The following NFIB variants were observed in gnomAD, a reference collection of about 807,000 sequenced individuals.
NFIB encodes nuclear factor 1 B-type.
Under a neutral mutation model 61.5 loss-of-function variants are expected in NFIB, and 11 were observed. That is an observed-to-expected ratio of 0.18 (90% CI 0.11 to 0.30). The LOEUF is 0.30. Among genes scored for constraint, NFIB ranks in the 10% least tolerant of loss-of-function variants. The pLI is 1.00. For synonymous variants in NFIB, 260 were observed against 216.5 expected, an observed-to-expected ratio of 1.20 and a Z score of -1.76; for missense variants, 471 against 608.9, an observed-to-expected ratio of 0.77 and a Z score of 2.38.
chr9:14,230,580 A>C (rs937727438), intron 2 of NFIB, among the ~76,000 whole-genome samples: 32 of 152,346 alleles, frequency 2.1e-4, no homozygotes, highest in African/African-American at 7.2e-4. Flanking sequence ...CATAGTACGC[A>C]CTTAACTAAA....
chr9:14,521,420 C>A, the NFIB span, among the ~76,000 whole-genome samples: 57 of 152,202 alleles, frequency 3.7e-4, no homozygotes, highest in African/African-American at 1.3e-3. Flanking sequence ...GACTTTTAAT[C>A]CTGGCACTGC....
At chr9:14,363,662 A>C (rs2022304) in intron 1 of NFIB, among the ~76,000 whole-genome samples, 1 of 150,578 alleles carries the variant, frequency 6.6e-6, no homozygotes, top group African/African-American at 2.5e-5. Flanking sequence ...TACACACATA[A>C]ACATCTTTAA....
chr9:14,391,492 A>G (rs2061621821), intron 1 of NFIB, among the ~76,000 whole-genome samples: 1 of 152,124 alleles, frequency 6.6e-6, no homozygotes, highest in African/African-American at 2.4e-5. Context: ...GAAGCTGGTA[A>G]TCAGCAGCTT....
chr9:14,487,016 G>T, the NFIB span, among the ~76,000 whole-genome samples: 3 of 152,070 alleles, frequency 2.0e-5, no homozygotes, highest in East Asian at 1.9e-4. Flanking sequence ...TTATCCAAAT[G>T]CTTTTTTCTT....
chr9:14,118,894 A>T (rs2038550240), intron 8 of NFIB, among the ~76,000 whole-genome samples: 1 of 151,740 alleles, frequency 6.6e-6, no homozygotes, highest in Non-Finnish European at 1.5e-5. Context: ...CTTAACTTAT[A>T]AAGAAATTGA....
chr9:14,319,968 A>G (rs2060625991), intron 1 of NFIB, among the ~76,000 whole-genome samples: 1 of 152,240 alleles, frequency 6.6e-6, no homozygotes, highest in African/African-American at 2.4e-5. Context: ...CTCTGAGTGT[A>G]TCTGAAATTT....
the NFIB span, among the ~76,000 whole-genome samples, chr9:14,405,912 C>G: frequency 6.6e-6 from 1 of 152,130 alleles, no homozygotes; most frequent in Non-Finnish European, 1.5e-5. Context: ...GATATGCTTT[C>G]TAGCACATGA....
At chr9:14,519,234 C>T in the NFIB span, among the ~76,000 whole-genome samples, 1 of 152,024 alleles carries the variant, frequency 6.6e-6, no homozygotes, top group African/African-American at 2.4e-5. Flanking sequence ...CTGATGGTAT[C>T]GGTGCTTGTA....
At chr9:14,150,957 CAT>C (rs1293725319) in intron 4 of NFIB, among the ~76,000 whole-genome samples, 2 of 151,964 alleles carry the variant, frequency 1.3e-5, no homozygotes, top group Non-Finnish European at 2.9e-5. Flanking sequence ...CATCTGTTCA[CAT>C]TTTTTAAATT....
chr9:14,263,767 G>C (rs933625566), intron 2 of NFIB, among the ~76,000 whole-genome samples: 1 of 152,208 alleles, frequency 6.6e-6, no homozygotes, highest in African/African-American at 2.4e-5. Context: ...CTGAGCTGCA[G>C]ACAAATAAAG....
chr9:14,174,897 G>C (rs2045988738), intron 3 of NFIB, among the ~76,000 whole-genome samples: 1 of 151,954 alleles, frequency 6.6e-6, no homozygotes, highest in Non-Finnish European at 1.5e-5. Context: ...AAGGACCTAT[G>C]CGAATTTATC....
Position 14,128,141 on chromosome 9 carries a change from T to C in NFIB, c.926-2375A>G, listed in dbSNP as rs1351344886. 4.6e-5 allele frequency among the ~76,000 whole-genome samples: 7 copies of C among 152,148 alleles called. No homozygotes were observed. The East Asian group carries it at 9.6e-4, about 21-fold the overall frequency. ...ACTACAAATATAGGCCTCTAACTAA[T>C]GGATGTAAAATCATAGACATACAGA... is the stretch of plus-strand genomic sequence containing the variant. On this transcript the variant is annotated intron_variant, in intron 6 of 10. Transcript: ENST00000380953.
the NFIB span, among the ~76,000 whole-genome samples, chr9:14,457,401 G>A: frequency 2.1e-4 from 32 of 152,230 alleles, no homozygotes; most frequent in Non-Finnish European, 4.1e-4. Context: ...ATGCCCATAA[G>A]AGAAAGCAGG....
chr9:14,220,894 C>A (rs1212763687), intron 2 of NFIB, among the ~76,000 whole-genome samples: 1 of 144,560 alleles, frequency 6.9e-6, no homozygotes, highest in Admixed American at 6.9e-5. Flanking sequence ...CACCACATCC[C>A]ATCTTCTTCC....
At chr9:14,279,860 A>G (rs2058255048) in intron 2 of NFIB, among the ~76,000 whole-genome samples, 1 of 152,216 alleles carries the variant, frequency 6.6e-6, no homozygotes, top group South Asian at 2.1e-4. Flanking sequence ...AATGATGTTT[A>G]GATTCCTTTT....
intron 2 of NFIB, among the ~76,000 whole-genome samples, chr9:14,295,470 CAA>C (rs373905065): frequency 6.8e-6 from 1 of 147,646 alleles, no homozygotes; most frequent in African/African-American, 2.5e-5. Flanking sequence ...ACTAAACATA[CAA>C]AAAAAAAACT....
chr9:14,220,845 A>ACCCACCCCCC lies in NFIB; in HGVS notation c.563-41066_563-41065insGGGGGGTGGG, dbSNP rs1554677585. ...TATCCAGTGAAATCAATCTCCCTAC[A>ACCCACCCCCC]CACACACACACACACACACACACAC... On this transcript the variant is annotated intron_variant, in intron 2 of 10. Transcript: ENST00000380953. Among the ~76,000 whole-genome samples the ACCCACCCCCC allele has an allele frequency of 1.2e-3, 118 of 97,210 alleles. 4 individuals are homozygous for ACCCACCCCCC. The East Asian group carries it at 0.032, about 26-fold the overall frequency. 63.8% of individuals were successfully genotyped at this position (97,210 alleles called of 152,430 possible).
Position 14,087,290 on chromosome 9 carries a change from CT to C in NFIB, c.*1018del. ...CACATGATTTGTCTTGATTTAATGCCTTTTTAATGCCCTCAAAAACTGAGGG... is the reference window on the plus strand; with the variant it reads ...CACATGATTTGTCTTGATTTAATGCCTTTTAATGCCCTCAAAAACTGAGGG... On this transcript the variant is annotated 3_prime_UTR_variant, in exon 11 of 11. Coordinates refer to ENST00000380953, the MANE Select transcript of NFIB (RefSeq NM_001190737.2). 4.9e-6 allele frequency: 1 copy of C among 204,730 alleles called. No individual in the cohort carries two copies. The highest frequency in any genetic ancestry group is 7.5e-5 in the East Asian group (1 of 13,384). The allele number at this position is 204,730 out of a possible 1,614,324, so 12.7% of individuals were successfully genotyped here. A position where few individuals can be genotyped will look rare whatever the true frequency, so the allele number is the denominator to read the frequency against.
intron 2 of NFIB, among the ~76,000 whole-genome samples, chr9:14,257,772 G>A (rs373311759): frequency 1.1e-4 from 16 of 152,064 alleles, no homozygotes; most frequent in East Asian, 9.7e-4. Flanking sequence ...GAAAAAAAAC[G>A]AAAGAAAGAA....
Sources: allele counts gnomAD v4.1 joint callset (sites outside exome capture counted in the v4.1 genomes callset), GRCh38; gene constraint gnomAD v4.1.1; transcripts MANE v1.5; gene names NCBI Gene and HGNC (gene_info 2026-07-23, HGNC 2026-07-21).